Variants in LRFN5 observed in about 807,000 individuals in gnomAD.
LRFN5 encodes leucine rich repeat and fibronectin type III domain containing 5, also known as leucine-rich repeat and fibronectin type-III domain-containing protein 5.
In LRFN5, 24 loss-of-function variants were observed where a neutral mutation model predicts 45.6. The observed-to-expected ratio is 0.53, with a 90% CI of 0.38 to 0.74. LRFN5 has a LOEUF of 0.74. Ranked by LOEUF, LRFN5 falls within the 30% of genes least tolerant of loss-of-function variation. LRFN5 has a pLI of 0.00. For missense variants in LRFN5, 776 were observed against 861.5 expected (o/e 0.90, Z 1.24); for synonymous variants, 340 against 313.8 (o/e 1.08, Z -0.88).
At position 41,887,050 on chromosome 14, in the gene LRFN5, C is replaced by T. The variant is rs745814679; in HGVS notation, c.425C>T (p.Ala142Val). The T allele has an allele frequency of 1.9e-6, 3 of 1,614,086 alleles. No individual in the cohort carries two copies. Among genetic ancestry groups the T allele is most frequent in the Admixed American group, 1.7e-5 (1 of 60,022 alleles). ...NNQLTLISST[A>V]FDDVFALEEL... Reference sequence around the variant, plus strand: ...CAGCTGACTTTAATTTCCTCTACAGCGTTTGATGATGTCTTCGCCCTTGAG... The same window carrying T: ...CAGCTGACTTTAATTTCCTCTACAGTGTTTGATGATGTCTTCGCCCTTGAG... Residue 142 changes from alanine to valine, a missense_variant, in exon 3 of 6, where the codon GCG becomes GTG. By Grantham distance (64) the Ala-to-Val change is moderately conservative (BLOSUM62 0). Around this residue, in one of 2 missense-constraint regions of LRFN5, gnomAD observed 311 missense variants for 405.1 expected, o/e 0.77. Coordinates refer to ENST00000298119, the MANE Select transcript of LRFN5 (RefSeq NM_152447.5). The surrounding 1 kb of genome is among the most constrained non-coding windows in gnomAD (Gnocchi z 4.8).
At chr14:41,786,782 G>A (rs924822561) in intron 2 of LRFN5, among the ~76,000 whole-genome samples, 5 of 151,828 alleles carry the variant, frequency 3.3e-5, no homozygotes, top group African/African-American at 9.7e-5. Context: ...ACTGATGCAC[G>A]ATACCTTTTT....
intron 2 of LRFN5, among the ~76,000 whole-genome samples, chr14:41,835,908 TTTTTC>T (rs1249728426): frequency 6.6e-6 from 1 of 150,564 alleles, no homozygotes; most frequent in Non-Finnish European, 1.5e-5. Flanking sequence ...GGATAAAAAG[TTTTTC>T]TTTTCTTTTT....
chr14:41,820,262 T>C (rs978142919), intron 2 of LRFN5, among the ~76,000 whole-genome samples: 9 of 152,102 alleles, frequency 5.9e-5, no homozygotes, highest in Non-Finnish European at 1.5e-5. Context: ...TATATTTAAA[T>C]ATTTAATCTA....
At chr14:41,760,890 G>A (rs1193171706) in intron 1 of LRFN5, among the ~76,000 whole-genome samples, 2 of 152,060 alleles carry the variant, frequency 1.3e-5, no homozygotes, top group African/African-American at 2.4e-5. Context: ...ACACTAACAC[G>A]GAGATTTGCT....
At chr14:41,788,366 C>G (rs1399150485) in intron 2 of LRFN5, among the ~76,000 whole-genome samples, 1 of 106,166 alleles carries the variant, frequency 9.4e-6, no homozygotes, top group Non-Finnish European at 1.9e-5. Context: ...ATTTACTTAT[C>G]TTTTCTGGTT....
chr14:41,856,659 A>AATTATTATTATTATTATTATTATT (rs1377101488), intron 2 of LRFN5, among the ~76,000 whole-genome samples: 1 of 49,718 alleles, frequency 2.0e-5, no homozygotes, highest in African/African-American at 8.3e-5. Context: ...TTTCTTTCCT[A>AATTATTATTATTATTATTATTATT]ATTATTATTA....
chr14:41,684,855 G>A (rs1051614074), intron 1 of LRFN5, among the ~76,000 whole-genome samples: 2 of 152,146 alleles, frequency 1.3e-5, no homozygotes, highest in Admixed American at 6.6e-5. Flanking sequence ...TCAACAAAGT[G>A]AAGTGGTAAT....
intron 1 of LRFN5, among the ~76,000 whole-genome samples, chr14:41,694,258 A>T (rs1882502927): frequency 6.6e-6 from 1 of 152,144 alleles, no homozygotes; most frequent in Middle Eastern, 3.4e-3. Context: ...ATGTACTCAC[A>T]CTGCTGTGCA....
intron 1 of LRFN5, among the ~76,000 whole-genome samples, chr14:41,619,202 C>A (rs1888029514): frequency 6.6e-6 from 1 of 151,960 alleles, no homozygotes; most frequent in East Asian, 1.9e-4. Context: ...CTACTCATTT[C>A]TTTTGTAAAT....
At chr14:41,843,346 A>C (rs1421232191) in intron 2 of LRFN5, among the ~76,000 whole-genome samples, 1 of 152,010 alleles carries the variant, frequency 6.6e-6, no homozygotes. Context: ...CTCTGGCCTT[A>C]GGCTCTCGAA....
chr14:41,630,829 T>C lies in LRFN5; in HGVS notation c.-197+22267T>C, dbSNP rs116815750. Among the ~76,000 whole-genome samples the C allele has an allele frequency of 2.5e-3, 387 of 152,236 alleles. 2 individuals carry two copies. The highest frequency in any genetic ancestry group is 8.9e-3 in the African/African-American group (371 of 41,580). On this transcript the variant is annotated intron_variant, in intron 1 of 5. Transcript: ENST00000298119. ...AGTTTCCTTTGATATTTATATTAGT[T>C]CTTTATCGTTTTGCTAATTATTTAT...
chr14:41,895,099 T>G, intron 4 of LRFN5: 1 of 971,486 alleles, frequency 1.0e-6, no homozygotes. Flanking sequence ...ATTAACGATG[T>G]TTACTTCAAA....
intron 1 of LRFN5, among the ~76,000 whole-genome samples, chr14:41,756,395 G>T (rs899362402): frequency 1.3e-5 from 2 of 152,176 alleles, no homozygotes; most frequent in Admixed American, 6.5e-5. Context: ...GTCATTTTTA[G>T]GTACACCATT....
intron 2 of LRFN5, among the ~76,000 whole-genome samples, chr14:41,821,352 T>G (rs1288928728): frequency 6.6e-6 from 1 of 151,970 alleles, no homozygotes; most frequent in African/African-American, 2.4e-5. Flanking sequence ...CAGGAAGGAG[T>G]GCTAAATCTA....
rs929556447 is a variant in LRFN5, at chr14:41,896,359, G to T, written c.2099-2558G>T. On this transcript the variant is annotated intron_variant, in intron 4 of 5. Transcript: ENST00000298119. ...ATTAGACAGAATGAAGACTATCTAC[G>T]ATCTTTCCTTGTTCAGCCTTCCCTT... is the stretch of plus-strand genomic sequence containing the variant. Among the ~76,000 whole-genome samples the T allele has an allele frequency of 5.3e-5, 8 of 152,172 alleles. No individual in the cohort carries two copies. In the East Asian group the frequency reaches 1.2e-3, roughly 22 times the overall value.
chr14:41,807,370 A>T (rs1042843063), intron 2 of LRFN5, among the ~76,000 whole-genome samples: 11 of 152,138 alleles, frequency 7.2e-5, no homozygotes, highest in African/African-American at 2.4e-4. Flanking sequence ...GTTAGCCAAA[A>T]CTACAACTGC....
chr14:41,897,470 G>A (rs1488025171), intron 4 of LRFN5, among the ~76,000 whole-genome samples: 1 of 151,864 alleles, frequency 6.6e-6, no homozygotes, highest in African/African-American at 2.4e-5. Context: ...AAATATATAT[G>A]TGCTCAACAA....
chr14:41,677,938 C>T (rs1400022222), intron 1 of LRFN5, among the ~76,000 whole-genome samples: 4 of 151,910 alleles, frequency 2.6e-5, no homozygotes, highest in Admixed American at 6.6e-5. Flanking sequence ...GCAATATAAA[C>T]GCAACTATAT....
chr14:41,842,266 C>G (rs543342953), intron 2 of LRFN5, among the ~76,000 whole-genome samples: 154 of 152,138 alleles, frequency 1.0e-3, no homozygotes, highest in African/African-American at 3.4e-3. Flanking sequence ...TATTCAAAAA[C>G]TATTATCTAA....
Sources: gnomAD v4.1 joint callset for allele counts (sites outside exome capture counted in the v4.1 genomes callset) on GRCh38, gnomAD v4.1.1 for gene constraint, gnomAD v4.1.1 regional missense constraint, Gnocchi (gnomAD v3.1) non-coding constraint, MANE v1.5 for transcripts, NCBI Gene and HGNC (gene_info 2026-07-23, HGNC 2026-07-21) for gene names.